The following PDE11A variants were observed in gnomAD, a reference collection of about 807,000 sequenced individuals.
PDE11A encodes the protein phosphodiesterase 11A, also known as dual 3',5'-cyclic-AMP and -GMP phosphodiesterase 11A.
PDE11A carries 100 observed loss-of-function variants against 100.5 expected under a neutral mutation model. The ratio of observed to expected loss-of-function variants is 1.00; its 90% confidence interval spans 0.85 to 1.18. PDE11A has a LOEUF of 1.18. Ranked by LOEUF, PDE11A falls within the 50% of genes most tolerant of loss-of-function variation. PDE11A has a pLI of 0.00. For missense variants in PDE11A, 1,141 were observed against 1,152.6 expected (o/e 0.99, Z 0.15); for synonymous variants, 381 against 420.8 (o/e 0.91, Z 1.16).
upstream of PDE11A, among the ~76,000 whole-genome samples, chr2:178,074,223 G>A (rs2087175471): frequency 2.0e-5 from 3 of 152,098 alleles, no homozygotes; most frequent in Admixed American, 6.5e-5. Context: ...GAGAGGAAGT[G>A]GGTGACGCTA....
intron 5 of PDE11A, among the ~76,000 whole-genome samples, chr2:177,861,780 T>C (rs1228984215): frequency 6.6e-6 from 1 of 151,930 alleles, no homozygotes; most frequent in Non-Finnish European, 1.5e-5. Flanking sequence ...TATGGTCAAT[T>C]GACTTTCCAC....
chr2:177,681,790 C>T (rs564086563), intron 15 of PDE11A, among the ~76,000 whole-genome samples: 86 of 152,198 alleles, frequency 5.7e-4, no homozygotes, highest in Non-Finnish European at 1.1e-3. Flanking sequence ...CCAGCATTAA[C>T]ATTAAAACAG....
chr2:177,637,563 C>T (rs945636209), intron 19 of PDE11A, among the ~76,000 whole-genome samples: 1 of 151,610 alleles, frequency 6.6e-6, no homozygotes, highest in African/African-American at 2.4e-5. Flanking sequence ...TCCTTTTAAG[C>T]CAAGTTTTAA....
chr2:178,031,498 G>T (rs1462270960), intron 1 of PDE11A, among the ~76,000 whole-genome samples: 1 of 151,978 alleles, frequency 6.6e-6, no homozygotes, highest in Admixed American at 6.6e-5. Flanking sequence ...AAAGTAAATT[G>T]CATTTCTAGA....
At chr2:177,880,956 G>T (rs2084323100) in intron 4 of PDE11A, among the ~76,000 whole-genome samples, 1 of 152,198 alleles carries the variant, frequency 6.6e-6, no homozygotes, top group Admixed American at 6.5e-5. Context: ...GCTAAGGGGT[G>T]CCCAGATAGC....
intron 2 of PDE11A, among the ~76,000 whole-genome samples, chr2:177,991,181 TG>T (rs1239677753): frequency 6.7e-6 from 1 of 148,390 alleles, no homozygotes; most frequent in African/African-American, 2.5e-5. Flanking sequence ...AAAAATTAGC[TG>T]GGTGTGGTGG....
intron 4 of PDE11A, among the ~76,000 whole-genome samples, chr2:177,884,592 G>T (rs568964565): frequency 6.6e-6 from 1 of 152,188 alleles, no homozygotes; most frequent in Non-Finnish European, 1.5e-5. Context: ...GAGGAGAACC[G>T]CAAGTTAAGT....
chr2:177,651,382 T>C (rs2080306440), intron 19 of PDE11A, among the ~76,000 whole-genome samples: 1 of 152,222 alleles, frequency 6.6e-6, no homozygotes, highest in Non-Finnish European at 1.5e-5. Context: ...CTTGGAAAGG[T>C]TGATATTGCC....
intron 9 of PDE11A, among the ~76,000 whole-genome samples, chr2:177,795,007 G>C (rs1487328419): frequency 6.6e-6 from 1 of 152,058 alleles, no homozygotes; most frequent in Non-Finnish European, 1.5e-5. Flanking sequence ...GGCTGGTCTT[G>C]AACTCCTGAC....
chr2:177,665,883 T>G (rs1434036627), intron 18 of PDE11A, among the ~76,000 whole-genome samples: 2 of 152,112 alleles, frequency 1.3e-5, no homozygotes, highest in Non-Finnish European at 1.5e-5. Context: ...AAATTATGTT[T>G]TCTTTTCTCT....
chr2:177,784,196 C>T (rs1046492929), intron 9 of PDE11A, among the ~76,000 whole-genome samples: 1 of 87,128 alleles, frequency 1.1e-5, no homozygotes, highest in Admixed American at 9.6e-5. Context: ...AAGATACAGA[C>T]CACAAAGACT....
intron 7 of PDE11A, among the ~76,000 whole-genome samples, chr2:177,819,807 C>T (rs2083103611): frequency 6.6e-6 from 1 of 151,488 alleles, no homozygotes; most frequent in Non-Finnish European, 1.5e-5. Flanking sequence ...AATTTTGTTC[C>T]TGACCTTGCT....
intron 9 of PDE11A, among the ~76,000 whole-genome samples, chr2:177,770,018 A>G (rs914657937): frequency 6.6e-6 from 1 of 152,194 alleles, no homozygotes; most frequent in Non-Finnish European, 1.5e-5. Context: ...TCTGTAGCAA[A>G]CACTGTAGGT....
intron 13 of PDE11A, among the ~76,000 whole-genome samples, chr2:177,707,550 T>C (rs1382416686): frequency 1.3e-5 from 2 of 152,198 alleles, no homozygotes; most frequent in Non-Finnish European, 2.9e-5. Context: ...TCCATCCTTC[T>C]CTCCTCTTTG....
At chr2:177,695,035 A>G (rs1174367221) in intron 15 of PDE11A, among the ~76,000 whole-genome samples, 1 of 149,430 alleles carries the variant, frequency 6.7e-6, no homozygotes, top group East Asian at 2.0e-4. Flanking sequence ...TGTCTTTCCT[A>G]TCGGATGCTG....
At chr2:177,920,788 C>G (rs937521209) in intron 2 of PDE11A, among the ~76,000 whole-genome samples, 1 of 152,032 alleles carries the variant, frequency 6.6e-6, no homozygotes, top group Non-Finnish European at 1.5e-5. Flanking sequence ...TTGGGCCAGG[C>G]GCGGTCGCTC....
chr2:177,945,957 TGAG>T (rs1332940861), intron 2 of PDE11A, among the ~76,000 whole-genome samples: 2 of 118,568 alleles, frequency 1.7e-5, no homozygotes, highest in African/African-American at 6.6e-5. Context: ...TACTGGGAAG[TGAG>T]GAGCCCCTCA....
chr2:178,102,180 G>A (rs1384090947), intron 2 of PDE11A, among the ~76,000 whole-genome samples: 1 of 151,782 alleles, frequency 6.6e-6, no homozygotes, highest in Non-Finnish European at 1.5e-5. Flanking sequence ...CAGCTGGAGT[G>A]CAGTGGCATG....
chr2:177,649,323 C>T (rs547505665), intron 19 of PDE11A, among the ~76,000 whole-genome samples: 2 of 152,222 alleles, frequency 1.3e-5, no homozygotes, highest in East Asian at 3.9e-4. Context: ...ATATTTATTG[C>T]ACATTGTTTA....
Sources: allele counts gnomAD v4.1 joint callset (sites outside exome capture counted in the v4.1 genomes callset), GRCh38; gene constraint gnomAD v4.1.1; transcripts MANE v1.5; gene names NCBI Gene and HGNC (gene_info 2026-07-23, HGNC 2026-07-21).